Variants in UBAC2 observed in about 807,000 individuals in gnomAD.
The protein encoded by UBAC2 is ubiquitin-associated domain-containing protein 2.
In UBAC2, 26 loss-of-function variants were observed where a neutral mutation model predicts 44.0. That is an observed-to-expected ratio of 0.59 (90% CI 0.43 to 0.82). The LOEUF is 0.82. Ranked by LOEUF, UBAC2 falls within the 40% of genes least tolerant of loss-of-function variation. The pLI, the probability that UBAC2 is intolerant of heterozygous loss-of-function variation, is 0.00. For synonymous variants in UBAC2, 155 were observed against 154.3 expected (o/e 1.00, Z -0.04); for missense variants, 329 against 419.4 (o/e 0.78, Z 1.88).
chr13:99,371,684 C>T (rs2045408799), intron 8 of UBAC2, among the ~76,000 whole-genome samples: 3 of 152,062 alleles, frequency 2.0e-5, no homozygotes, highest in Non-Finnish European at 4.4e-5. Flanking sequence ...ATATCAGAGC[C>T]ACGTAATTTT....
chr13:99,353,731 C>CAA (rs11428072), intron 7 of UBAC2, among the ~76,000 whole-genome samples: 1 of 151,684 alleles, frequency 6.6e-6, no homozygotes, highest in East Asian at 1.9e-4. Context: ...TTTTCCTCCC[C>CAA]AAAAAAAGCC....
At chr13:99,330,552 T>C (rs2044703244) in intron 6 of UBAC2, among the ~76,000 whole-genome samples, 1 of 151,966 alleles carries the variant, frequency 6.6e-6, no homozygotes, top group East Asian at 1.9e-4. Context: ...TCTGGTAGCT[T>C]TTCTGTGGAT....
At chr13:99,204,214 A>T (rs946111363) in intron 1 of UBAC2, among the ~76,000 whole-genome samples, 9 of 152,176 alleles carry the variant, frequency 5.9e-5, no homozygotes, top group Admixed American at 5.2e-4. Context: ...AAAACTTTTT[A>T]AAAAAGAACG....
At chr13:99,259,632 T>G (rs529679056) in intron 4 of UBAC2, among the ~76,000 whole-genome samples, 2 of 152,250 alleles carry the variant, frequency 1.3e-5, no homozygotes, top group African/African-American at 4.8e-5. Context: ...GGACTTCTTA[T>G]GGCTGAATCA....
chr13:99,338,033 TTTTTTCTTTTTTTC>T (rs2044817396), intron 6 of UBAC2, among the ~76,000 whole-genome samples: 1 of 42,344 alleles, frequency 2.4e-5, no homozygotes, highest in African/African-American at 6.2e-5. Flanking sequence ...TCTCCTAACT[TTTTTTCTTTTTTTC>T]TTTTTTTTTT....
chr13:99,329,767 A>T (rs992398705), intron 6 of UBAC2, among the ~76,000 whole-genome samples: 1 of 152,208 alleles, frequency 6.6e-6, no homozygotes, highest in African/African-American at 2.4e-5. Context: ...TCTTGAGATG[A>T]GTGCAGATAG....
chr13:99,243,930 A>T lies in UBAC2; in HGVS notation c.258A>T (p.Arg86Ser), dbSNP rs1432784221. ...LIYNFRIFER[R>S]YGSRKFASFL... ...ATAATTTTAGGATATTTGAAAGAAG[A>T]TATGGAAGCAGAAAATTTGCAGTAA... The change falls in exon 3 of 9, where the codon AGA becomes AGT. Residue 86 changes from arginine to serine, a missense_variant. Physicochemically the swap from Arg to Ser is moderately radical, Grantham distance 110. Coordinates refer to ENST00000403766, the MANE Select transcript of UBAC2 (RefSeq NM_001144072.2). 6.5e-7 allele frequency: 1 copy of T among 1,539,978 alleles called. No individual in the cohort carries two copies. Among genetic ancestry groups the T allele is most frequent in the Non-Finnish European group, 8.7e-7 (1 of 1,144,152 alleles).
chr13:99,206,179 A>G (rs1161581355), intron 1 of UBAC2, among the ~76,000 whole-genome samples: 1 of 152,208 alleles, frequency 6.6e-6, no homozygotes, highest in East Asian at 1.9e-4. Context: ...GAGTCCGGTC[A>G]GAGGTACTCG....
Position 99,295,900 on chromosome 13 carries a change from G to A in UBAC2, c.390-18197G>A, listed in dbSNP as rs1042263. 18 of 1,612,988 alleles carry A rather than the reference G, an allele frequency of 1.1e-5. No homozygotes were observed. The highest frequency in any genetic ancestry group is 1.6e-4 in the Middle Eastern group (1 of 6,078). Reference sequence around the variant, plus strand: ...AGTAGGCTATTCGTGTAGGCAAAGCGGTGGTAAAAAGTATATCAGAAATCA... The same window carrying A: ...AGTAGGCTATTCGTGTAGGCAAAGCAGTGGTAAAAAGTATATCAGAAATCA... On this transcript the variant is annotated intron_variant, in intron 4 of 8. Coordinates refer to ENST00000403766, the MANE Select transcript of UBAC2 (RefSeq NM_001144072.2). This position sits in a 1 kb window ranked among gnomAD's most constrained non-coding sequence, Gnocchi z 4.1.
chr13:99,292,156 GAC>G (rs768738777), intron 4 of UBAC2, among the ~76,000 whole-genome samples: 85 of 148,726 alleles, frequency 5.7e-4, no homozygotes, highest in Admixed American at 9.4e-4. Context: ...TTTTTTTTGA[GAC>G]AGTCTCTCGC....
At chr13:99,335,456 A>G (rs1363251159) in intron 6 of UBAC2, among the ~76,000 whole-genome samples, 2 of 150,230 alleles carry the variant, frequency 1.3e-5, no homozygotes, top group African/African-American at 4.9e-5. Context: ...GCCTCTGCCT[A>G]CCCCCTACCC....
At chr13:99,249,750 G>C (rs1421236557) in intron 4 of UBAC2, among the ~76,000 whole-genome samples, 1 of 151,918 alleles carries the variant, frequency 6.6e-6, no homozygotes, top group East Asian at 1.9e-4. Context: ...GTTGTTTTTT[G>C]GCTTTTTAGT....
intron 4 of UBAC2, chr13:99,258,670 A>G (rs993296509): frequency 6.6e-6 from 1 of 152,198 alleles, no homozygotes; most frequent in Non-Finnish European, 1.5e-5. Context: ...GACTTTGTCT[A>G]GTTACCTACC....
intron 1 of UBAC2, among the ~76,000 whole-genome samples, chr13:99,235,326 G>A (rs1016505053): frequency 2.0e-5 from 3 of 152,110 alleles, no homozygotes; most frequent in African/African-American, 7.2e-5. Flanking sequence ...TGGTTTGGAA[G>A]AATCAGTATT....
At chr13:99,223,625 A>G (rs901414560) in intron 1 of UBAC2, among the ~76,000 whole-genome samples, 6 of 106,668 alleles carry the variant, frequency 5.6e-5, no homozygotes, top group Admixed American at 1.1e-4. Context: ...AAGCATTTTT[A>G]TGCTACATTT....
At chr13:99,221,757 A>G (rs780143447) in intron 1 of UBAC2, among the ~76,000 whole-genome samples, 12 of 152,308 alleles carry the variant, frequency 7.9e-5, no homozygotes, top group Admixed American at 3.9e-4. Flanking sequence ...AGCACCTGTC[A>G]GAAACATCTG....
At chr13:99,338,128 A>G (rs1316764162) in intron 6 of UBAC2, among the ~76,000 whole-genome samples, 1 of 126,670 alleles carries the variant, frequency 7.9e-6, no homozygotes, top group Non-Finnish European at 1.5e-5. Flanking sequence ...CACAATCTCG[A>G]CTTACTGTAA....
intron 1 of UBAC2, among the ~76,000 whole-genome samples, chr13:99,207,165 T>C (rs1340290433): frequency 8.5e-5 from 13 of 152,238 alleles, no homozygotes; most frequent in Non-Finnish European, 1.5e-5. Context: ...TGCTGCTGCG[T>C]TGACCTGGGG....
At chr13:99,303,511 A>G (rs1293999621) in intron 4 of UBAC2, among the ~76,000 whole-genome samples, 1 of 152,222 alleles carries the variant, frequency 6.6e-6, no homozygotes, top group African/African-American at 2.4e-5. Flanking sequence ...TGAAGATGAC[A>G]TATGTTTAGA....
Sources: allele counts gnomAD v4.1 joint callset (sites outside exome capture counted in the v4.1 genomes callset), GRCh38; gene constraint gnomAD v4.1.1; non-coding constraint Gnocchi (gnomAD v3.1); transcripts MANE v1.5; gene names NCBI Gene and HGNC (gene_info 2026-07-23, HGNC 2026-07-21).